ZNF577: variants seen among roughly 807,000 people sequenced by gnomAD.
ZNF577 encodes zinc finger protein 577.
ZNF577 carries 14 observed loss-of-function variants against 13.9 expected under a neutral mutation model. The ratio of observed to expected loss-of-function variants is 1.00; its 90% CI spans 0.66 to 1.57. The LOEUF is 1.57. Among genes scored for constraint, ZNF577 ranks in the 40% most tolerant of loss-of-function variants. ZNF577 has a pLI of 0.00. For synonymous variants in ZNF577, 203 were observed against 202.9 expected (o/e 1.00, Z 0.00); for missense variants, 555 against 579.2 (o/e 0.96, Z 0.43).
rs2084316042 is a variant in ZNF577, at chr19:51,840,790, T to A, written c.*375-673A>T. 3 of 149,916 alleles carry A rather than the reference T, an allele frequency of 2.0e-5. No homozygotes were observed. In the South Asian group the frequency reaches 6.2e-4, roughly 31 times the overall value. 9.3% of individuals were successfully genotyped at this position (149,916 alleles called of 1,614,324 possible). A position where few individuals can be genotyped will look rare whatever the true frequency, so the allele number is the denominator to read the frequency against. ...CTTAAAAATAAATACATGTAATGTA[T>A]GGTGCCAGCCATGATTAAGTAAGCC... On this transcript the variant is annotated intron_variant and NMD_transcript_variant, in intron 8 of 10. Transcript: ENST00000638827.
intron 5 of ZNF577, chr19:51,861,105 G>C: frequency 6.9e-6 from 2 of 289,580 alleles, no homozygotes; most frequent in Non-Finnish European, 1.3e-5. Flanking sequence ...ACTCATAATT[G>C]ACTCTCTCTT....
chr19:51,872,851 G>C lies in ZNF577; in HGVS notation c.1139C>G (p.Thr380Arg), dbSNP rs1280279351. 6.2e-7 allele frequency: 1 copy of C among 1,614,210 alleles called. No homozygotes were observed. The highest frequency in any genetic ancestry group is 2.2e-5 in the East Asian group (1 of 44,882). The change falls in exon 6 of 6, where the codon ACA becomes AGA. Residue 380 changes from threonine (T) to arginine (R), a missense_variant. Physicochemically the swap from Thr to Arg is moderately conservative, Grantham distance 71. Coordinates refer to ENST00000638348, the MANE Select transcript of ZNF577 (RefSeq NM_001370449.1). ...CTCCACCGTCAGTGAATTTATGGCT[G>C]TCTCTCTTATGTGAGTTTTCTCATG... The part of the protein sequence containing the change: ...IKHEKTHIRE[T>R]AINSLTVEKP...
chr19:51,882,121 A>G (rs2122718597), intron 1 of ZNF577, among the ~76,000 whole-genome samples: 1 of 152,280 alleles, frequency 6.6e-6, no homozygotes, highest in East Asian at 1.9e-4. Context: ...AAACAGTGGT[A>G]CCCAACCCAA....
intron 5 of ZNF577, among the ~76,000 whole-genome samples, chr19:51,875,816 C>A (rs896456665): frequency 6.6e-6 from 1 of 152,182 alleles, no homozygotes; most frequent in Non-Finnish European, 1.5e-5. Flanking sequence ...GTCAGTCAAA[C>A]GTGCAGCAAT....
chr19:51,850,272 T>G (rs182942047), intron 5 of ZNF577, among the ~76,000 whole-genome samples: 69 of 152,336 alleles, frequency 4.5e-4, no homozygotes, highest in Admixed American at 3.5e-3. Flanking sequence ...TGTTTTATGA[T>G]GGGGGCCCTT....
chr19:51,839,426 T>G lies in ZNF577; in HGVS notation c.*599+467A>C, dbSNP rs2084307352. 5.3e-5 allele frequency among the ~76,000 whole-genome samples: 8 copies of G among 152,072 alleles called. No individual in the cohort carries two copies. The South Asian group carries it at 1.7e-3, about 32-fold the overall frequency. ...TAAACATAATAATAATAAGAAGAAA[T>G]TACACACACATACCCATACACATAT... On this transcript the variant is annotated intron_variant and NMD_transcript_variant, in intron 9 of 10. Coordinates refer to the ZNF577 transcript ENST00000638827.
rs374249704 is a variant in ZNF577 at position 51,824,857 on chromosome 19, C to T, written c.*600-13183G>A. 1.4e-4 allele frequency: 202 copies of T among 1,430,600 alleles called. No homozygotes were observed. The highest frequency in any genetic ancestry group is 1.7e-4 in the Non-Finnish European group (181 of 1,064,604). 88.6% of individuals were successfully genotyped at this position (1,430,600 alleles called of 1,614,324 possible). On this transcript the variant is annotated intron_variant and NMD_transcript_variant, in intron 9 of 10. Transcript: ENST00000638827. This position sits in a 1 kb window ranked among gnomAD's most constrained non-coding sequence, Gnocchi z 4.7. ...CTGTCTCTTTCTACCCTGCGTTAAGCGGAAAAAAAAAATTCTGACAGTGTT... is the reference window on the plus strand; with the variant it reads ...CTGTCTCTTTCTACCCTGCGTTAAGTGGAAAAAAAAAATTCTGACAGTGTT...
intron 9 of ZNF577, chr19:51,826,046 T>A (rs540292850): frequency 6.1e-6 from 1 of 164,072 alleles, no homozygotes; most frequent in Admixed American, 6.5e-5. Context: ...CATGAATGAA[T>A]GTTGAATTTT....
chr19:51,823,089 C>T (rs1263909924), intron 9 of ZNF577, among the ~76,000 whole-genome samples: 1 of 152,114 alleles, frequency 6.6e-6, no homozygotes, highest in African/African-American at 2.4e-5. Context: ...TCTCCAACTC[C>T]TGATCTCAAG....
rs1488951711 is a variant in ZNF577 at position 51,867,966 on chromosome 19, T to C, written c.*4566A>G. ...GGAATGTCTTCTCCCTTGCATGGGA[T>C]CAGAGCCAGGCAAGTTCTGGTGGGA... On this transcript the variant is annotated 3_prime_UTR_variant, in exon 6 of 6. Transcript: ENST00000638348. Among the ~76,000 whole-genome samples the C allele has an allele frequency of 6.6e-6, 1 of 152,114 alleles. No individual in the cohort carries two copies. The highest frequency in any genetic ancestry group is 2.4e-5 in the African/African-American group (1 of 41,418).
At chr19:51,817,790 G>A (rs4802872) in intron 9 of ZNF577, 1 of 151,844 alleles carries the variant, frequency 6.6e-6, no homozygotes, top group Admixed American at 6.6e-5. Flanking sequence ...TGTGTTGCTC[G>A]ACAGGAAGCC....
At chr19:51,807,373 G>A (rs990940563) in intron 10 of ZNF577, among the ~76,000 whole-genome samples, 5 of 152,176 alleles carry the variant, frequency 3.3e-5, no homozygotes, top group South Asian at 2.1e-4. Flanking sequence ...TGGTGGCAGC[G>A]CAGTGTGAGT....
chr19:51,876,971 G>A lies in ZNF577; in HGVS notation c.283+311C>T, dbSNP rs555196426. 3.8e-4 allele frequency among the ~76,000 whole-genome samples: 57 copies of A among 151,856 alleles called. No individual in the cohort carries two copies. The East Asian group carries it at 6.4e-3, about 17-fold the overall frequency. On this transcript the variant is annotated intron_variant, in intron 5 of 5. Transcript: ENST00000638348. Reference sequence around the variant, plus strand: ...CAACATAATCCAGATGGGTTACGAGGGGAATTTCAAAGCAAGTAAGGAAGG... The same window carrying A: ...CAACATAATCCAGATGGGTTACGAGAGGAATTTCAAAGCAAGTAAGGAAGG...
intron 10 of ZNF577, among the ~76,000 whole-genome samples, chr19:51,808,477 T>C (rs1599833214): frequency 6.6e-6 from 1 of 152,342 alleles, no homozygotes; most frequent in South Asian, 2.1e-4. Context: ...ATGTAAGCAG[T>C]AGGAAACATA....
downstream of ZNF577, chr19:51,862,957 G>A (rs2084519608): frequency 6.6e-6 from 1 of 152,214 alleles, no homozygotes; most frequent in Non-Finnish European, 1.5e-5. Flanking sequence ...TGACTTCCAA[G>A]GGAAAACTTC....
chr19:51,878,235 G>T (rs1165007120), intron 4 of ZNF577, 154 bp downstream of exon 4: 3 of 802,308 alleles, frequency 3.7e-6, no homozygotes, highest in Non-Finnish European at 1.8e-6. Flanking sequence ...CACGCTTATG[G>T]TTAAGACGGT....
At chr19:51,836,930 G>C (rs923875578) in intron 9 of ZNF577, among the ~76,000 whole-genome samples, 1 of 151,714 alleles carries the variant, frequency 6.6e-6, no homozygotes, top group Non-Finnish European at 1.5e-5. Context: ...TGTAATCCCA[G>C]CTACTTGGGA....
downstream of ZNF577, among the ~76,000 whole-genome samples, chr19:51,867,039 CAACTT>C (rs1324469865): frequency 3.9e-5 from 6 of 152,012 alleles, no homozygotes; most frequent in Non-Finnish European, 8.8e-5. Flanking sequence ...GAATCAGAAA[CAACTT>C]AAGTACATCA....
At chr19:51,879,659 A>G (rs2084829823) in intron 3 of ZNF577, among the ~76,000 whole-genome samples, 1 of 152,224 alleles carries the variant, frequency 6.6e-6, no homozygotes, top group African/African-American at 2.4e-5. Context: ...ATATGAATAT[A>G]TTCTACCAGA....
Sources: allele counts gnomAD v4.1 joint callset (sites outside exome capture counted in the v4.1 genomes callset), GRCh38; gene constraint gnomAD v4.1.1; non-coding constraint Gnocchi (gnomAD v3.1); transcripts MANE v1.5; gene names NCBI Gene and HGNC (gene_info 2026-07-23, HGNC 2026-07-21).